ERC2: variants seen among roughly 807,000 people sequenced by gnomAD.
The protein encoded by ERC2 is ELKS/RAB6-interacting/CAST family member 2.
In ERC2, 42 loss-of-function variants were observed where a neutral mutation model predicts 114.8. The ratio of observed to expected loss-of-function variants is 0.37; its 90% confidence interval spans 0.29 to 0.47. The LOEUF is 0.47. Among genes scored for constraint, ERC2 ranks in the 20% least tolerant of loss-of-function variants. The pLI is 0.99. For missense variants in ERC2, 939 were observed against 1,150.7 expected (o/e 0.82, Z 2.66); for synonymous variants, 454 against 425.5 (o/e 1.07, Z -0.82).
intron 3 of ERC2, among the ~76,000 whole-genome samples, chr3:56,265,101 T>G (rs1379807411): frequency 6.6e-6 from 1 of 152,090 alleles, no homozygotes; most frequent in Non-Finnish European, 1.5e-5. Flanking sequence ...AATAGAAAAA[T>G]AGTTCTATGA....
intron 6 of ERC2, among the ~76,000 whole-genome samples, chr3:56,105,917 T>G (rs2078631778): frequency 6.6e-6 from 1 of 152,196 alleles, no homozygotes. Context: ...CAAGCTGTCC[T>G]TATTCTTAAA....
intron 2 of ERC2, among the ~76,000 whole-genome samples, chr3:56,298,402 A>G (rs1010622392): frequency 6.6e-6 from 1 of 152,204 alleles, no homozygotes; most frequent in African/African-American, 2.4e-5. Context: ...TCCATTCATC[A>G]GTTGACTCAG....
intron 6 of ERC2, among the ~76,000 whole-genome samples, chr3:56,081,458 T>C (rs2077227520): frequency 6.6e-6 from 1 of 151,564 alleles, no homozygotes; most frequent in Non-Finnish European, 1.5e-5. Context: ...ATTAGAAAAA[T>C]ACATGTTGCC....
chr3:56,092,225 G>T (rs1049249754), intron 6 of ERC2, among the ~76,000 whole-genome samples: 7 of 152,162 alleles, frequency 4.6e-5, no homozygotes, highest in African/African-American at 1.4e-4. Context: ...TTGTAAAAAT[G>T]TGTTTGTCAT....
At chr3:56,155,175 C>G (rs547166265) in intron 4 of ERC2, among the ~76,000 whole-genome samples, 3 of 152,184 alleles carry the variant, frequency 2.0e-5, no homozygotes, top group African/African-American at 7.2e-5. Flanking sequence ...CGCAACATCC[C>G]CATGGTTTTA....
At chr3:56,083,070 G>A (rs150218400) in intron 6 of ERC2, among the ~76,000 whole-genome samples, 3 of 152,290 alleles carry the variant, frequency 2.0e-5, no homozygotes, top group African/African-American at 7.2e-5. Context: ...TATAGAAAGT[G>A]TAAAAGACAT....
At chr3:56,256,129 G>C (rs563475346) in intron 3 of ERC2, among the ~76,000 whole-genome samples, 4 of 152,162 alleles carry the variant, frequency 2.6e-5, no homozygotes, top group South Asian at 4.1e-4. Context: ...TTTAAACTCT[G>C]TCTGAAAGCT....
Position 55,554,812 on chromosome 3 carries a change from C to T in ERC2, c.*40-43536G>A, listed in dbSNP as rs534172566. ...CCTAGGGGCACTGTCAGCCTCATCT[C>T]AGAGCACCTGGGTTCTCAAGGCTGG... On this transcript the variant is annotated intron_variant, in intron 17 of 17. Coordinates refer to ENST00000288221, the MANE Select transcript of ERC2 (RefSeq NM_015576.3). 6.6e-5 allele frequency among the ~76,000 whole-genome samples: 10 copies of T among 152,198 alleles called. No homozygotes were observed. In the South Asian group the frequency reaches 1.9e-3, roughly 28 times the overall value.
At chr3:55,701,423 T>C (rs1455761869) in intron 15 of ERC2, among the ~76,000 whole-genome samples, 1 of 152,168 alleles carries the variant, frequency 6.6e-6, no homozygotes, top group Non-Finnish European at 1.5e-5. Flanking sequence ...CATAAAATGC[T>C]TTGATTCTGT....
chr3:56,161,281 C>T (rs2082035192), intron 4 of ERC2, among the ~76,000 whole-genome samples: 1 of 152,172 alleles, frequency 6.6e-6, no homozygotes, highest in Admixed American at 6.5e-5. Context: ...CCTGCCAAAC[C>T]ATGAGCCAAT....
At chr3:56,259,647 TTGATATGATATGATATGATATGATA>T (rs58550092) in intron 3 of ERC2, among the ~76,000 whole-genome samples, 12 of 143,990 alleles carry the variant, frequency 8.3e-5, no homozygotes, top group African/African-American at 2.9e-4. Context: ...TGGTACAGAT[TTGATATGATATGATATGATATGATA>T]TGATATGATA....
At chr3:55,902,281 T>C (rs560787383) in intron 13 of ERC2, among the ~76,000 whole-genome samples, 3 of 152,120 alleles carry the variant, frequency 2.0e-5, no homozygotes, top group Non-Finnish European at 4.4e-5. Context: ...AAACATTTTA[T>C]AGGGGCTTTA....
At chr3:55,925,383 C>G (rs752894633) in intron 13 of ERC2, among the ~76,000 whole-genome samples, 1 of 152,082 alleles carries the variant, frequency 6.6e-6, no homozygotes, top group Non-Finnish European at 1.5e-5. Context: ...ACTGCATAAT[C>G]TAAGCAAGAG....
intron 12 of ERC2, among the ~76,000 whole-genome samples, chr3:55,984,409 G>A (rs1350714528): frequency 6.6e-6 from 1 of 152,148 alleles, no homozygotes; most frequent in Non-Finnish European, 1.5e-5. Flanking sequence ...GAGCAAAAGG[G>A]ATCCCTGGAT....
chr3:55,637,530 G>A (rs372892622), intron 17 of ERC2, among the ~76,000 whole-genome samples: 19 of 152,158 alleles, frequency 1.2e-4, no homozygotes, highest in African/African-American at 4.1e-4. Context: ...TGGGCTGACC[G>A]GGGTCTCCTC....
chr3:55,848,596 T>C (rs558882914), intron 14 of ERC2, among the ~76,000 whole-genome samples: 1 of 152,292 alleles, frequency 6.6e-6, no homozygotes, highest in African/African-American at 2.4e-5. Flanking sequence ...CAACTCCCAA[T>C]AATTGCTTGC....
At chr3:56,081,453 A>T (rs2149758772) in intron 6 of ERC2, among the ~76,000 whole-genome samples, 1 of 152,266 alleles carries the variant, frequency 6.6e-6, no homozygotes, top group African/African-American at 2.4e-5. Context: ...CCTAAATTAG[A>T]AAAATACATG....
intron 6 of ERC2, among the ~76,000 whole-genome samples, chr3:56,118,539 G>C (rs1232818283): frequency 1.3e-5 from 2 of 152,050 alleles, no homozygotes; most frequent in African/African-American, 2.4e-5. Flanking sequence ...CACCAAGCTA[G>C]GTCTTTTCCA....
At chr3:56,056,089 G>A (rs1477792923) in intron 7 of ERC2, among the ~76,000 whole-genome samples, 1 of 152,222 alleles carries the variant, frequency 6.6e-6, no homozygotes, top group East Asian at 1.9e-4. Flanking sequence ...TCTCTGGTAT[G>A]TAATAATGTT....
Sources: allele counts gnomAD v4.1 joint callset (sites outside exome capture counted in the v4.1 genomes callset), GRCh38; gene constraint gnomAD v4.1.1; transcripts MANE v1.5; gene names NCBI Gene and HGNC (gene_info 2026-07-23, HGNC 2026-07-21).